FAM117B: variants seen among roughly 807,000 people sequenced by gnomAD.
The protein encoded by FAM117B is family with sequence similarity 117 member B, also known as protein FAM117B.
Under a neutral mutation model 52.8 loss-of-function variants are expected in FAM117B, and 22 were observed. The observed-to-expected ratio is 0.42, with a 90% CI of 0.30 to 0.59. The LOEUF (loss-of-function observed/expected upper bound fraction) is 0.59, where lower values mean the gene tolerates loss of function less well. Ranked by LOEUF, FAM117B falls within the 20% of genes least tolerant of loss-of-function variation. FAM117B has a pLI of 0.22. For missense variants in FAM117B, 678 were observed against 802.6 expected (o/e 0.84, Z 1.88); for synonymous variants, 309 against 324.1 (o/e 0.95, Z 0.50).
intron 1 of FAM117B, among the ~76,000 whole-genome samples, chr2:202,654,500 A>G (rs539450698): frequency 6.6e-6 from 1 of 152,236 alleles, no homozygotes; most frequent in Non-Finnish European, 1.5e-5. Flanking sequence ...TTCCCATTGG[A>G]AATTTTTTTT....
At chr2:202,686,876 C>A (rs1690549084) in intron 1 of FAM117B, among the ~76,000 whole-genome samples, 1 of 151,418 alleles carries the variant, frequency 6.6e-6, no homozygotes, top group Non-Finnish European at 1.5e-5. Context: ...TCCGGAGAAA[C>A]AGAACCAATA....
chr2:202,651,452 A>C (rs1386891701), intron 1 of FAM117B, among the ~76,000 whole-genome samples: 2 of 151,208 alleles, frequency 1.3e-5, no homozygotes, highest in Non-Finnish European at 2.9e-5. Context: ...GGCTCACTGC[A>C]ACTCCCATCT....
At chr2:202,652,126 T>G (rs1689967430) in intron 1 of FAM117B, among the ~76,000 whole-genome samples, 1 of 151,276 alleles carries the variant, frequency 6.6e-6, no homozygotes, top group Non-Finnish European at 1.5e-5. Flanking sequence ...AAAGACAAGG[T>G]CTTGCTCTGT....
rs1051669630 is a variant in FAM117B, at chr2:202,635,252, T to C, written c.65T>C (p.Val22Ala). ...GCCGGCTCCCTTGGGGGTGGTGCGG[T>C]GGCCACGGCCGGGGGACCCGGGAGC... ...TPAGSLGGGAVATAGGPGSRL... is the reference protein window; with the variant it reads ...TPAGSLGGGAAATAGGPGSRL... Residue 22 changes from valine (V) to alanine (A), a missense_variant, in exon 1 of 8, where the codon GTG (valine) becomes GCG (alanine). Transcript: ENST00000392238. 4.6e-5 allele frequency: 62 copies of C among 1,360,912 alleles called. No individual in the cohort carries two copies. Among genetic ancestry groups the C allele is most frequent in the Non-Finnish European group, 5.6e-5 (59 of 1,054,512 alleles). The allele number at this position is 1,360,912 out of a possible 1,614,324, so 84.3% of individuals were successfully genotyped here.
chr2:202,661,318 ATGC>A (rs1373071609), intron 1 of FAM117B, among the ~76,000 whole-genome samples: 1 of 152,196 alleles, frequency 6.6e-6, no homozygotes, highest in Non-Finnish European at 1.5e-5. Context: ...TTAATTTCAG[ATGC>A]GTATTTGAAA....
At chr2:202,646,031 G>GTT (rs774262277) in intron 1 of FAM117B, among the ~76,000 whole-genome samples, 16 of 137,772 alleles carry the variant, frequency 1.2e-4, no homozygotes, top group African/African-American at 3.4e-4. Context: ...AAAGTTTTTT[G>GTT]TTTTTTTTTT....
chr2:202,666,979 G>A (rs186938632), intron 1 of FAM117B, among the ~76,000 whole-genome samples: 4 of 151,788 alleles, frequency 2.6e-5, no homozygotes, highest in Admixed American at 6.6e-5. Context: ...AATGCAGATC[G>A]AAAATCTGTG....
At chr2:202,758,971 A>AAT (rs932233479) in intron 6 of FAM117B, among the ~76,000 whole-genome samples, 1 of 152,230 alleles carries the variant, frequency 6.6e-6, no homozygotes, top group African/African-American at 2.4e-5. Context: ...TTGTTTTGTA[A>AAT]AGAATAGAAA....
intron 4 of FAM117B, among the ~76,000 whole-genome samples, chr2:202,752,906 A>G (rs1283693231): frequency 6.6e-6 from 1 of 152,192 alleles, no homozygotes; most frequent in Non-Finnish European, 1.5e-5. Flanking sequence ...GGTTCTGTTA[A>G]ATAAATAAGT....
chr2:202,710,209 G>C (rs564741860), intron 2 of FAM117B, among the ~76,000 whole-genome samples: 13 of 152,216 alleles, frequency 8.5e-5, no homozygotes, highest in African/African-American at 3.1e-4. Flanking sequence ...AGATGACTTT[G>C]GGTAGTGTGG....
Position 202,765,728 on chromosome 2 carries a change from C to T in FAM117B, c.1734C>T (p.Leu578=), listed in dbSNP as rs1691967457. The change falls in exon 8 of 8, where the codon CTC becomes CTT. Residue 578 remains leucine, a synonymous_variant. Coordinates refer to ENST00000392238, the MANE Select transcript of FAM117B (RefSeq NM_173511.4). ...TSTVMPSASL[L]PPPEPIEEAE... Reference sequence around the variant, plus strand: ...CAGTCATGCCATCAGCTTCTCTACTCCCACCACCAGAACCAATTGAGGAAG... The same window carrying T: ...CAGTCATGCCATCAGCTTCTCTACTTCCACCACCAGAACCAATTGAGGAAG... The T allele has an allele frequency of 6.2e-7, 1 of 1,613,978 alleles. No homozygotes were observed. Among genetic ancestry groups the T allele is most frequent in the African/African-American group, 1.3e-5 (1 of 74,892 alleles).
At chr2:202,731,346 T>TATATATATATATATAA (rs1691344409) in intron 4 of FAM117B, among the ~76,000 whole-genome samples, 1 of 126,730 alleles carries the variant, frequency 7.9e-6, no homozygotes, top group African/African-American at 2.8e-5. Context: ...TATATATATA[T>TATATATATATATATAA]ATATATATAT....
At position 202,768,805 on chromosome 2, in the gene FAM117B, C is replaced by G. The variant is rs1293149785; in HGVS notation, c.*3041C>G. ...TTTTTAATTTTATAAAAATTTATTT[C>G]CATTGCATTAAAAGAAATGGGTAGC... On this transcript the variant is annotated 3_prime_UTR_variant, in exon 8 of 8. Coordinates refer to ENST00000392238, the MANE Select transcript of FAM117B (RefSeq NM_173511.4). The G allele has an allele frequency of 6.6e-6, 1 of 151,968 alleles. No individual in the cohort carries two copies. The highest frequency in any genetic ancestry group is 1.5e-5 in the Non-Finnish European group (1 of 67,960). The allele number at this position is 151,968 out of a possible 1,614,324, so 9.4% of individuals were successfully genotyped here.
chr2:202,691,698 T>TGTGTGTGTGTGTGC (rs1476079292), intron 1 of FAM117B, among the ~76,000 whole-genome samples: 56 of 131,160 alleles, frequency 4.3e-4, no homozygotes, highest in South Asian at 8.0e-4. Flanking sequence ...TGTGTGTGTG[T>TGTGTGTGTGTGTGC]GCGCGCGCGC....
intron 1 of FAM117B, among the ~76,000 whole-genome samples, chr2:202,665,799 C>A (rs2105763148): frequency 6.6e-6 from 1 of 152,226 alleles, no homozygotes; most frequent in African/African-American, 2.4e-5. Context: ...CAGGGTTTCA[C>A]CATGTTGACC....
chr2:202,645,697 G>A (rs922330213), intron 1 of FAM117B, among the ~76,000 whole-genome samples: 31 of 151,438 alleles, frequency 2.0e-4, no homozygotes, highest in Non-Finnish European at 4.1e-4. Flanking sequence ...TCCGCCTCCC[G>A]GGTTCAAGCA....
At chr2:202,644,084 T>TTTCTTTTTTTTTC (rs1689822018) in intron 1 of FAM117B, among the ~76,000 whole-genome samples, 1 of 121,786 alleles carries the variant, frequency 8.2e-6, no homozygotes, top group African/African-American at 2.9e-5. Context: ...TTTTTTTTTT[T>TTTCTTTTTTTTTC]CAGTTTTATG....
chr2:202,745,566 A>C (rs973656783), intron 4 of FAM117B, among the ~76,000 whole-genome samples: 1 of 152,180 alleles, frequency 6.6e-6, no homozygotes, highest in Non-Finnish European at 1.5e-5. Context: ...AACAATCAAA[A>C]AAACAATTAA....
At chr2:202,751,497 A>C (rs890480175) in intron 4 of FAM117B, among the ~76,000 whole-genome samples, 3 of 152,182 alleles carry the variant, frequency 2.0e-5, no homozygotes, top group African/African-American at 7.2e-5. Context: ...GGCTGGACAC[A>C]GTGGCTCACG....
Sources: allele counts gnomAD v4.1 joint callset (sites outside exome capture counted in the v4.1 genomes callset), GRCh38; gene constraint gnomAD v4.1.1; transcripts MANE v1.5; gene names NCBI Gene and HGNC (gene_info 2026-07-23, HGNC 2026-07-21).